The following MCTP1 variants were observed in gnomAD, a reference collection of about 807,000 sequenced individuals.
MCTP1 encodes multiple C2 and transmembrane domain-containing protein 1.
In MCTP1, 69 loss-of-function variants were observed where a neutral mutation model predicts 120.6. That is an observed-to-expected ratio of 0.57 (90% CI 0.47 to 0.70). The LOEUF (loss-of-function observed/expected upper bound fraction) is 0.70. MCTP1 is among the 30% of genes least tolerant of loss of function. The probability of loss-of-function intolerance (pLI) is 0.00; values close to 1 mark genes in which losing one functional copy is unlikely to be tolerated. For missense variants in MCTP1, 1,203 were observed against 1,248.8 expected, an observed-to-expected ratio of 0.96 and a Z score of 0.55; for synonymous variants, 529 against 493.1, an observed-to-expected ratio of 1.07 and a Z score of -0.96.
At chr5:94,907,683 A>G (rs1208577123) in intron 10 of MCTP1, among the ~76,000 whole-genome samples, 2 of 152,262 alleles carry the variant, frequency 1.3e-5, no homozygotes, top group East Asian at 3.9e-4. Context: ...AAGTGAGGAA[A>G]AGAAAATGAT....
At chr5:95,122,626 T>C (rs1186004521) in intron 1 of MCTP1, among the ~76,000 whole-genome samples, 1 of 152,124 alleles carries the variant, frequency 6.6e-6, no homozygotes, top group Non-Finnish European at 1.5e-5. Flanking sequence ...TACCATACTA[T>C]CCAACAATTC....
intron 1 of MCTP1, among the ~76,000 whole-genome samples, chr5:95,261,682 T>C (rs1392541503): frequency 6.6e-6 from 1 of 152,248 alleles, no homozygotes; most frequent in Non-Finnish European, 1.5e-5. Flanking sequence ...TTCTATGACA[T>C]CTGATTGTTT....
At position 94,978,547 on chromosome 5, in the gene MCTP1, T is replaced by C. The variant is rs565596487; in HGVS notation, c.839-25186A>G. On this transcript the variant is annotated intron_variant, in intron 2 of 22. Transcript: ENST00000515393. ...CTGAAAAAAGAAGGAAATCCTGCAA[T>C]ATGTGACAACATGGATGAAACTTGA... 5.9e-5 allele frequency among the ~76,000 whole-genome samples: 9 copies of C among 152,248 alleles called. No homozygotes were observed. In the East Asian group the frequency reaches 1.7e-3, roughly 29 times the overall value.
At chr5:94,867,882 A>G (rs1797116916) in intron 17 of MCTP1, 1 of 157,954 alleles carries the variant, frequency 6.3e-6, no homozygotes, top group Non-Finnish European at 1.4e-5. Flanking sequence ...ATCACATGTT[A>G]AAGCATTACC....
intron 19 of MCTP1, among the ~76,000 whole-genome samples, chr5:94,750,485 T>C (rs1580463926): frequency 1.3e-5 from 2 of 152,342 alleles, no homozygotes; most frequent in South Asian, 4.1e-4. Flanking sequence ...CACTTCCTTA[T>C]CTGCTAAAAG....
chr5:94,765,587 G>C (rs1344390055), intron 19 of MCTP1, among the ~76,000 whole-genome samples: 1 of 151,864 alleles, frequency 6.6e-6, no homozygotes, highest in African/African-American at 2.4e-5. Flanking sequence ...TGTAATCCCA[G>C]CTACTCAGGA....
intron 5 of MCTP1, among the ~76,000 whole-genome samples, chr5:94,938,793 C>T (rs1171404483): frequency 1.3e-5 from 2 of 151,982 alleles, no homozygotes; most frequent in Non-Finnish European, 2.9e-5. Flanking sequence ...ATGGATTAGC[C>T]AGCTAGGTTA....
chr5:95,026,958 T>C (rs2153685717), intron 1 of MCTP1, among the ~76,000 whole-genome samples: 1 of 152,362 alleles, frequency 6.6e-6, no homozygotes, highest in African/African-American at 2.4e-5. Flanking sequence ...TTCTACTTTC[T>C]ATGACACTGA....
At chr5:94,844,606 C>A (rs759590631) in intron 17 of MCTP1, among the ~76,000 whole-genome samples, 13 of 152,042 alleles carry the variant, frequency 8.6e-5, no homozygotes, top group Non-Finnish European at 1.6e-4. Context: ...ATGCAGGAGG[C>A]AATGAAAGAG....
chr5:95,191,716 G>A (rs1212755146), intron 1 of MCTP1, among the ~76,000 whole-genome samples: 1 of 151,926 alleles, frequency 6.6e-6, no homozygotes. Context: ...ACTAACAAAT[G>A]CATTTCAACT....
At chr5:95,015,959 A>T (rs1341046153) in intron 2 of MCTP1, among the ~76,000 whole-genome samples, 1 of 152,100 alleles carries the variant, frequency 6.6e-6, no homozygotes, top group African/African-American at 2.4e-5. Context: ...GTACTTTGAA[A>T]ACTAAAAAAA....
intron 19 of MCTP1, among the ~76,000 whole-genome samples, chr5:94,778,186 C>CAA (rs969479378): frequency 6.7e-6 from 1 of 148,886 alleles, no homozygotes. Context: ...CTCCTTTCTT[C>CAA]AAAAAAAAAA....
intron 17 of MCTP1, among the ~76,000 whole-genome samples, chr5:94,827,583 A>C (rs255208): frequency 0.87 from 132,185 of 152,062 alleles, 57,821 homozygotes; most frequent in East Asian, 0.98. Flanking sequence ...TGCATTTTCC[A>C]TGTCACCTTC....
intron 1 of MCTP1, among the ~76,000 whole-genome samples, chr5:95,125,682 C>T (rs1198789230): frequency 6.6e-6 from 1 of 152,082 alleles, no homozygotes; most frequent in Non-Finnish European, 1.5e-5. Context: ...CTTATGAGTA[C>T]AGAAATTGTG....
At chr5:95,235,383 T>C (rs1412629110) in intron 1 of MCTP1, among the ~76,000 whole-genome samples, 1 of 151,966 alleles carries the variant, frequency 6.6e-6, no homozygotes, top group Non-Finnish European at 1.5e-5. Context: ...AAATGCTTTT[T>C]TCCTAAGATT....
At chr5:94,919,117 G>A (rs1186582725) in intron 7 of MCTP1, among the ~76,000 whole-genome samples, 1 of 152,128 alleles carries the variant, frequency 6.6e-6, no homozygotes, top group Admixed American at 6.5e-5. Context: ...ATAGATTATC[G>A]AGAAAGGCTA....
intron 1 of MCTP1, among the ~76,000 whole-genome samples, chr5:95,116,742 G>C (rs1021696401): frequency 6.6e-6 from 1 of 151,968 alleles, no homozygotes; most frequent in African/African-American, 2.4e-5. Context: ...TCCTTGAAGA[G>C]GTCCTTCACT....
At chr5:94,978,506 T>C (rs538443087) in intron 2 of MCTP1, among the ~76,000 whole-genome samples, 2 of 152,168 alleles carry the variant, frequency 1.3e-5, no homozygotes, top group Admixed American at 6.5e-5. Flanking sequence ...ATATATATAA[T>C]GGAATATTAT....
At chr5:94,872,057 T>C (rs1488048379) in intron 13 of MCTP1, among the ~76,000 whole-genome samples, 1 of 152,136 alleles carries the variant, frequency 6.6e-6, no homozygotes, top group East Asian at 1.9e-4. Flanking sequence ...AATAAACGAC[T>C]GCGTGAGCTC....
Sources: allele counts gnomAD v4.1 joint callset (sites outside exome capture counted in the v4.1 genomes callset), GRCh38; gene constraint gnomAD v4.1.1; transcripts MANE v1.5; gene names NCBI Gene and HGNC (gene_info 2026-07-23, HGNC 2026-07-21).